ELP2: variants seen among roughly 807,000 people sequenced by gnomAD.
ELP2 encodes the protein elongator acetyltransferase complex subunit 2.
A neutral mutation model predicts 119.2 loss-of-function variants in ELP2; 90 were observed. That is an observed-to-expected ratio of 0.75 (90% CI 0.64 to 0.90). The LOEUF is 0.90. ELP2 is among the 40% of genes least tolerant of loss of function. The pLI is 0.00. For synonymous variants in ELP2, 339 were observed against 331.0 expected (o/e 1.02, Z -0.26); for missense variants, 921 against 967.8 (o/e 0.95, Z 0.64).
intron 11 of ELP2, among the ~76,000 whole-genome samples, chr18:36,150,567 G>A (rs2090364094): frequency 6.6e-6 from 1 of 152,160 alleles, no homozygotes; most frequent in Admixed American, 6.5e-5. Context: ...AGTAGTTGTT[G>A]CTGGGAGCTA....
In ELP2 at chr18:36,166,319, G is replaced by GTTTTTTTT. The variant is rs60477950; in HGVS notation, c.1955-761_1955-754dup. Among the ~76,000 whole-genome samples, 553 of 71,640 alleles carry GTTTTTTTT rather than the reference G, an allele frequency of 7.7e-3. 82 individuals carry two copies. Among genetic ancestry groups the GTTTTTTTT allele is most frequent in the African/African-American group, 0.028 (510 of 17,918 alleles). The allele number at this position is 71,640 out of a possible 152,430, so 47.0% of individuals were successfully genotyped here. ...AGTTATGTGGTTTTTGTTTTTTAGG[G>GTTTTTTTT]TTTTTTTTTTTTTTTTTTTTTTTTT... On this transcript the variant is annotated intron_variant, in intron 18 of 21. Transcript: ENST00000358232.
At chr18:36,140,177 T>G (rs2089971966) in intron 5 of ELP2, among the ~76,000 whole-genome samples, 1 of 152,046 alleles carries the variant, frequency 6.6e-6, no homozygotes. Flanking sequence ...TTTTATTTTA[T>G]TTTTTTGACA....
intron 19 of ELP2, among the ~76,000 whole-genome samples, chr18:36,168,601 A>G (rs1317102613): frequency 1.3e-5 from 2 of 152,282 alleles, no homozygotes; most frequent in African/African-American, 2.4e-5. Context: ...CTATCATGAG[A>G]AGAGCATGGA....
chr18:36,164,779 T>C (rs1327719235), intron 18 of ELP2, 112 bp downstream of exon 18: 5 of 1,062,400 alleles, frequency 4.7e-6, no homozygotes, highest in Non-Finnish European at 7.1e-6. Flanking sequence ...TAGAGCCTCA[T>C]GTCTTTGAAG....
intron 11 of ELP2, among the ~76,000 whole-genome samples, chr18:36,153,964 C>T (rs553126562): frequency 1.4e-4 from 21 of 151,832 alleles, no homozygotes; most frequent in Non-Finnish European, 2.4e-4. Context: ...ACTGTTAGTC[C>T]AAAAGTGCTG....
chr18:36,150,644 C>T (rs1243426430), intron 11 of ELP2, among the ~76,000 whole-genome samples: 1 of 152,208 alleles, frequency 6.6e-6, no homozygotes, highest in Non-Finnish European at 1.5e-5. Flanking sequence ...AGAATTTATC[C>T]TTCCCAGCAC....
intron 19 of ELP2, among the ~76,000 whole-genome samples, chr18:36,168,911 T>C (rs2090988601): frequency 1.1e-5 from 1 of 90,952 alleles, no homozygotes; most frequent in Admixed American, 1.6e-4. Flanking sequence ...CTCTCTCCAT[T>C]TCTTTTTTTT....
intron 11 of ELP2, 102 bp from the exon 12 acceptor site, chr18:36,154,748 T>C: frequency 3.0e-6 from 4 of 1,330,198 alleles, no homozygotes; most frequent in Non-Finnish European, 4.3e-6. Flanking sequence ...GCTTTTCACC[T>C]TGCCAGAGGG....
chr18:36,153,054 G>A (rs1278304136), intron 11 of ELP2, among the ~76,000 whole-genome samples: 1 of 152,168 alleles, frequency 6.6e-6, no homozygotes, highest in Non-Finnish European at 1.5e-5. Flanking sequence ...GCCTGAGCTC[G>A]CACCCACATT....
At chr18:36,160,668 T>C (rs2090709928) in intron 16 of ELP2, among the ~76,000 whole-genome samples, 1 of 152,144 alleles carries the variant, frequency 6.6e-6, no homozygotes, top group South Asian at 2.1e-4. Flanking sequence ...TGTTTTATTG[T>C]TTAGATACTG....
intron 2 of ELP2, 69 bp downstream of exon 2, chr18:36,133,385 T>TC: frequency 9.4e-7 from 1 of 1,063,196 alleles, no homozygotes; most frequent in Non-Finnish European, 1.5e-6. Flanking sequence ...GCCATTTTTT[T>TC]CTCATCACTT....
chr18:36,133,897 G>GTTTTTTTTTTTT (rs57135329), intron 2 of ELP2, among the ~76,000 whole-genome samples: 1 of 60,804 alleles, frequency 1.6e-5, no homozygotes, highest in African/African-American at 7.3e-5. Flanking sequence ...TTTTTTAGGG[G>GTTTTTTTTTTTT]TTTTTTTTTT....
At position 36,146,373 on chromosome 18, in the gene ELP2, G is replaced by T. The variant is rs1187843033; in HGVS notation, c.1117G>T (p.Val373Phe). 6.2e-7 allele frequency: 1 copy of T among 1,613,952 alleles called. No individual in the cohort carries two copies. Among genetic ancestry groups the T allele is most frequent in the African/African-American group, 1.3e-5 (1 of 75,036 alleles). The change falls in exon 11 of 22, where the codon GTT becomes TTT. Residue 373 changes from valine to phenylalanine, a missense_variant. Coordinates refer to ENST00000358232, the MANE Select transcript of ELP2 (RefSeq NM_018255.4). ...GALHLWKQNT[V>F]NPREWTPEIV... is the part of the protein sequence containing the mutation. ...GTTGCACCTTTGGAAACAGAATACAGTTAACCCAGTAAGAAAAGAGTGTTT... is the reference window on the plus strand; with the variant it reads ...GTTGCACCTTTGGAAACAGAATACATTTAACCCAGTAAGAAAAGAGTGTTT...
Position 36,146,258 on chromosome 18 carries a change from A to G in ELP2, c.1002A>G (p.Val334=). The G allele has an allele frequency of 6.2e-7, 1 of 1,614,118 alleles. No individual in the cohort carries two copies. The highest frequency in any genetic ancestry group is 1.3e-5 in the African/African-American group (1 of 75,058). The change falls in exon 11 of 22, where the codon GTA becomes GTG. Residue 334 remains valine (V), a synonymous_variant. Coordinates refer to ENST00000358232, the MANE Select transcript of ELP2 (RefSeq NM_018255.4). ...TGTCTGTTATTGTACAGGTTCGAGTAGGTGAAGTAGGTGGGAATACTTTGG... is the reference window on the plus strand; with the variant it reads ...TGTCTGTTATTGTACAGGTTCGAGTGGGTGAAGTAGGTGGGAATACTTTGG... ...ESGVWLEQVR[V]GEVGGNTLGF... is the part of the protein sequence containing the mutation.
chr18:36,167,695 T>A (rs1468675569), intron 19 of ELP2, among the ~76,000 whole-genome samples: 2 of 7,532 alleles, frequency 2.7e-4, no homozygotes, highest in African/African-American at 3.1e-4. Flanking sequence ...TAGCTAGGAA[T>A]TTTTTTTTTT....
intron 11 of ELP2, among the ~76,000 whole-genome samples, chr18:36,147,126 C>T (rs184184619): frequency 6.7e-4 from 94 of 139,576 alleles, no homozygotes; most frequent in African/African-American, 2.4e-3. Flanking sequence ...CTTACTCTGT[C>T]ATCCAGGTGT....
chr18:36,142,786 T>C, intron 7 of ELP2, 40 bp from the exon 8 acceptor site: 1 of 1,385,354 alleles, frequency 7.2e-7, no homozygotes, highest in Non-Finnish European at 1.0e-6. Context: ...AACTTCACAA[T>C]ATAATGTTTT....
intron 2 of ELP2, 147 bp downstream of exon 2, chr18:36,133,463 T>G: frequency 1.4e-6 from 1 of 699,504 alleles, no homozygotes; most frequent in Non-Finnish European, 2.6e-6. Flanking sequence ...GTATTCCCAG[T>G]GAAATATCTG....
At chr18:36,161,031 T>C (rs748435888) in intron 17 of ELP2, 27 bp downstream of exon 17, 1 of 1,578,614 alleles carries the variant, frequency 6.3e-7, no homozygotes, top group South Asian at 1.1e-5. Context: ...TTGATTCTGC[T>C]TGGTCACAGG....
Sources: gnomAD v4.1 joint callset for allele counts (sites outside exome capture counted in the v4.1 genomes callset) on GRCh38, gnomAD v4.1.1 for gene constraint, MANE v1.5 for transcripts, NCBI Gene and HGNC (gene_info 2026-07-23, HGNC 2026-07-21) for gene names.